Variants in METTL21A observed in about 807,000 individuals in gnomAD.
METTL21A encodes methyltransferase 21A, HSPA lysine.
Under a neutral mutation model 20.9 loss-of-function variants are expected in METTL21A, and 22 were observed. The ratio of observed to expected loss-of-function variants is 1.05; its 90% confidence interval spans 0.75 to 1.50. METTL21A has a LOEUF of 1.50. Among genes scored for constraint, METTL21A ranks in the 40% most tolerant of loss-of-function variants. The pLI, the probability that METTL21A is intolerant of heterozygous loss-of-function variation, is 0.00. For synonymous variants in METTL21A, 93 were observed against 102.0 expected (o/e 0.91, Z 0.53); for missense variants, 271 against 266.8 (o/e 1.02, Z -0.11).
chr2:207,590,242 C>A (rs982985350), intron 3 of METTL21A, among the ~76,000 whole-genome samples: 3 of 151,680 alleles, frequency 2.0e-5, no homozygotes, highest in Admixed American at 1.3e-4. Context: ...GTTTATTATT[C>A]TTTTACTGTA....
chr2:207,622,167 T>A (rs1480714221), intron 2 of METTL21A, among the ~76,000 whole-genome samples: 1 of 148,400 alleles, frequency 6.7e-6, no homozygotes, highest in African/African-American at 2.5e-5. Flanking sequence ...CTTAATTTTT[T>A]TTTTTTTTTT....
intron 1 of METTL21A, 142 bp from the exon 2 acceptor site, chr2:207,624,546 T>C: frequency 1.5e-6 from 1 of 656,178 alleles, no homozygotes; most frequent in Non-Finnish European, 2.4e-6. Context: ...TCCAATTTCT[T>C]TTGCATGGCT....
chr2:207,593,745 G>A (rs1363795723), intron 3 of METTL21A, among the ~76,000 whole-genome samples: 1 of 143,474 alleles, frequency 7.0e-6, no homozygotes, highest in Admixed American at 7.0e-5. Flanking sequence ...TTTTTGAGAC[G>A]GAAACACCTA....
chr2:207,624,137 A>C (rs762117994), intron 2 of METTL21A, 92 bp downstream of exon 2: 433 of 1,415,856 alleles, frequency 3.1e-4, no homozygotes, highest in Non-Finnish European at 3.9e-4. Flanking sequence ...TATGTGAATT[A>C]TATCTCAATA....
chr2:207,590,132 A>T (rs1574980385), intron 3 of METTL21A, among the ~76,000 whole-genome samples: 3 of 82,442 alleles, frequency 3.6e-5, no homozygotes, highest in East Asian at 3.7e-4. Flanking sequence ...CATTCAGACT[A>T]TTTCTTCTTC....
intron 3 of METTL21A, among the ~76,000 whole-genome samples, chr2:207,584,602 A>G (rs1261484968): frequency 6.6e-6 from 1 of 152,112 alleles, no homozygotes; most frequent in Non-Finnish European, 1.5e-5. Flanking sequence ...GGGTTTCGCC[A>G]TGTTGGCCAG....
chr2:207,587,972 A>G (rs916343238), intron 3 of METTL21A, among the ~76,000 whole-genome samples: 4 of 152,212 alleles, frequency 2.6e-5, no homozygotes, highest in African/African-American at 9.6e-5. Context: ...CAACAAAATG[A>G]TAAGTTTGAG....
At chr2:207,585,007 A>C (rs929650475) in intron 3 of METTL21A, among the ~76,000 whole-genome samples, 1 of 151,250 alleles carries the variant, frequency 6.6e-6, no homozygotes, top group Admixed American at 6.7e-5. Context: ...CAGCCCACTT[A>C]CACACGTCTA....
At chr2:207,616,141 C>CT (rs1408152503) in intron 3 of METTL21A, among the ~76,000 whole-genome samples, 1 of 152,032 alleles carries the variant, frequency 6.6e-6, no homozygotes, top group Non-Finnish European at 1.5e-5. Context: ...GGTCATGCCA[C>CT]TGCACTCCAG....
At chr2:207,583,401 T>G (rs1013168130) in intron 3 of METTL21A, among the ~76,000 whole-genome samples, 1 of 152,228 alleles carries the variant, frequency 6.6e-6, no homozygotes, top group Non-Finnish European at 1.5e-5. Flanking sequence ...GGCTTATATG[T>G]TTGTTTAAAT....
intron 3 of METTL21A, chr2:207,600,806 C>A (rs2086914952): frequency 1.4e-5 from 3 of 209,550 alleles, no homozygotes; most frequent in African/African-American, 6.8e-5. Context: ...TAGGACAAAT[C>A]CCTACTATCA....
intron 2 of METTL21A, among the ~76,000 whole-genome samples, chr2:207,622,490 C>T (rs2090613973): frequency 1.3e-5 from 2 of 152,306 alleles, no homozygotes; most frequent in South Asian, 4.1e-4. Flanking sequence ...TGTGTCACAG[C>T]ACTTTTATGC....
chr2:207,584,429 C>T (rs948427030), intron 3 of METTL21A, among the ~76,000 whole-genome samples: 1 of 152,016 alleles, frequency 6.6e-6, no homozygotes, highest in African/African-American at 2.4e-5. Context: ...GACGGAGTCT[C>T]CCTCTGTCAT....
At chr2:207,606,393 A>G (rs2106777601), downstream of METTL21A, among the ~76,000 whole-genome samples, 1 of 152,270 alleles carries the variant, frequency 6.6e-6, no homozygotes, top group Middle Eastern at 3.4e-3. Flanking sequence ...GAGGCAGGAG[A>G]ATCACTTGAA....
chr2:207,602,152 A>T (rs2087171653), intron 3 of METTL21A: 1 of 198,396 alleles, frequency 5.0e-6, no homozygotes, highest in African/African-American at 2.3e-5. Flanking sequence ...GGGCAGACCG[A>T]CTTTAAGAGG....
chr2:207,621,916 G>A (rs770627819), exon 3 of METTL21A: 1 of 1,612,948 alleles, frequency 6.2e-7, no homozygotes, highest in East Asian at 2.2e-5. Flanking sequence ...AAGAACGATG[G>A]CCTGAATGAA....
intron 3 of METTL21A, chr2:207,601,188 T>C (rs1408504641): frequency 1.1e-5 from 2 of 185,350 alleles, no homozygotes; most frequent in African/African-American, 2.3e-5. Context: ...ATGGACCCAA[T>C]AGAAAAGTTG....
At chr2:207,625,623 A>C (rs1230658410), upstream of METTL21A, 6 of 152,338 alleles carry the variant, frequency 3.9e-5, no homozygotes, top group Non-Finnish European at 7.3e-5. Flanking sequence ...GCGGGTGCAC[A>C]GGGAGAGCAT....
chr2:207,596,540 G>A (rs997269102), intron 3 of METTL21A, among the ~76,000 whole-genome samples: 3 of 151,994 alleles, frequency 2.0e-5, no homozygotes, highest in African/African-American at 7.2e-5. Context: ...TTCAAGCGAT[G>A]CCCATGGCTC....
Sources: gnomAD v4.1 joint callset for allele counts (sites outside exome capture counted in the v4.1 genomes callset) on GRCh38, gnomAD v4.1.1 for gene constraint, MANE v1.5 for transcripts, NCBI Gene and HGNC (gene_info 2026-07-23, HGNC 2026-07-21) for gene names.